The following TMEM38B variants were observed in gnomAD, a reference collection of about 807,000 sequenced individuals.
TMEM38B encodes the protein trimeric intracellular cation channel type B.
In TMEM38B, 24 loss-of-function variants were observed where a neutral mutation model predicts 28.7. That is an observed-to-expected ratio of 0.84 (90% CI 0.61 to 1.18). TMEM38B has a LOEUF of 1.18. Ranked by LOEUF, TMEM38B falls within the 50% of genes most tolerant of loss-of-function variation. The pLI, the probability that TMEM38B is intolerant of heterozygous loss-of-function variation, is 0.00. For missense variants in TMEM38B, 380 were observed against 350.9 expected, an observed-to-expected ratio of 1.08 and a Z score of -0.66; for synonymous variants, 131 against 127.7, an observed-to-expected ratio of 1.03 and a Z score of -0.17.
chr9:105,735,083 A>G lies in TMEM38B; in HGVS notation c.542+12462A>G, dbSNP rs756536733. Among the ~76,000 whole-genome samples, 102 of 152,004 alleles carry G rather than the reference A, an allele frequency of 6.7e-4. 3 individuals carry two copies. Among genetic ancestry groups the G allele is most frequent in the Non-Finnish European group, 1.8e-4 (12 of 67,992 alleles). On this transcript the variant is annotated intron_variant, in intron 4 of 5. Transcript: ENST00000374692. ...TATTTACTGTATTTTTTGTGTGGTT[A>G]CCATTGGGCTAACATTAAGAATCTT...
chr9:105,759,959 C>T (rs1254568124), intron 5 of TMEM38B: 1 of 1,569,182 alleles, frequency 6.4e-7, no homozygotes, highest in Admixed American at 1.7e-5. Flanking sequence ...GTGCAAACAG[C>T]TATGCAAAGT....
At chr9:105,741,117 A>C (rs1438082736) in intron 4 of TMEM38B, among the ~76,000 whole-genome samples, 2 of 152,228 alleles carry the variant, frequency 1.3e-5, no homozygotes, top group Non-Finnish European at 2.9e-5. Context: ...AGAGATTAGA[A>C]TGCTATAGCC....
At chr9:105,728,262 G>GC (rs1317039158) in intron 4 of TMEM38B, among the ~76,000 whole-genome samples, 6 of 134,840 alleles carry the variant, frequency 4.4e-5, no homozygotes, top group Non-Finnish European at 8.0e-5. Flanking sequence ...CCCCCAACAA[G>GC]CCCCCGTGTT....
At chr9:105,718,855 T>A (rs905320357) in intron 2 of TMEM38B, among the ~76,000 whole-genome samples, 2 of 152,100 alleles carry the variant, frequency 1.3e-5, no homozygotes, top group Non-Finnish European at 2.9e-5. Flanking sequence ...CGAGACTACA[T>A]TTAGATGAGG....
intron 2 of TMEM38B, among the ~76,000 whole-genome samples, chr9:105,706,608 G>A (rs536116994): frequency 6.6e-6 from 1 of 152,248 alleles, no homozygotes; most frequent in South Asian, 2.1e-4. Flanking sequence ...ACAAGAATTG[G>A]CTAAATACAG....
At chr9:105,747,943 T>C in intron 4 of TMEM38B, 130 bp from the exon 5 acceptor site, 1 of 624,480 alleles carries the variant, frequency 1.6e-6, no homozygotes, top group Admixed American at 2.9e-5. Context: ...TAAAGTGTTT[T>C]AACAAAACTC....
intron 4 of TMEM38B, among the ~76,000 whole-genome samples, chr9:105,725,850 G>C (rs7846993): frequency 0.23 from 35,503 of 151,988 alleles, 6,805 homozygotes; most frequent in African/African-American, 0.51. Flanking sequence ...TAGGACATTA[G>C]TGTGCACTAC....
intron 5 of TMEM38B, chr9:105,758,690 G>A: frequency 1.3e-6 from 1 of 751,630 alleles, no homozygotes; most frequent in Non-Finnish European, 2.4e-6. Context: ...ATCCAGAATT[G>A]AGAAAAAACA....
chr9:105,737,332 A>T (rs1184926290), intron 4 of TMEM38B, among the ~76,000 whole-genome samples: 1 of 139,324 alleles, frequency 7.2e-6, no homozygotes, highest in Non-Finnish European at 1.5e-5. Flanking sequence ...CAGAGGCCTG[A>T]GTCGCAGGGA....
intron 5 of TMEM38B, among the ~76,000 whole-genome samples, chr9:105,767,061 G>A (rs1402093699): frequency 6.6e-6 from 1 of 151,780 alleles, no homozygotes; most frequent in African/African-American, 2.4e-5. Flanking sequence ...CCCTACAAAG[G>A]ACATGAACTC....
intron 5 of TMEM38B, among the ~76,000 whole-genome samples, chr9:105,756,722 T>C (rs1466722324): frequency 6.6e-6 from 1 of 152,160 alleles, no homozygotes; most frequent in Non-Finnish European, 1.5e-5. Flanking sequence ...AATAAAGATA[T>C]TTAAAAATAG....
intron 2 of TMEM38B, among the ~76,000 whole-genome samples, chr9:105,713,666 G>A (rs1042989543): frequency 2.6e-5 from 4 of 152,204 alleles, no homozygotes; most frequent in Admixed American, 6.5e-5. Flanking sequence ...GTGGAAGGGG[G>A]CGGGTTCCCA....
chr9:105,765,075 A>G (rs1208344918), intron 5 of TMEM38B, among the ~76,000 whole-genome samples: 1 of 152,202 alleles, frequency 6.6e-6, no homozygotes, highest in Admixed American at 6.5e-5. Flanking sequence ...TTATACAAAA[A>G]TCAATTCAAG....
intron 1 of TMEM38B, among the ~76,000 whole-genome samples, chr9:105,705,005 A>T (rs1414698573): frequency 1.3e-5 from 2 of 152,040 alleles, no homozygotes; most frequent in Admixed American, 6.5e-5. Flanking sequence ...GATGTTATTT[A>T]CAGTGATGTC....
chr9:105,733,554 T>A (rs1836855562), intron 4 of TMEM38B, among the ~76,000 whole-genome samples: 1 of 151,954 alleles, frequency 6.6e-6, no homozygotes, highest in East Asian at 1.9e-4. Flanking sequence ...ATTAATTCTG[T>A]TTTGAAAGTT....
At chr9:105,754,576 C>T (rs1192360671) in intron 5 of TMEM38B, among the ~76,000 whole-genome samples, 3 of 152,152 alleles carry the variant, frequency 2.0e-5, no homozygotes, top group Non-Finnish European at 4.4e-5. Context: ...TTGTTTGAAA[C>T]TAATGAGAAC....
At chr9:105,733,301 C>G (rs371897864) in intron 4 of TMEM38B, among the ~76,000 whole-genome samples, 3 of 152,066 alleles carry the variant, frequency 2.0e-5, no homozygotes, top group African/African-American at 4.8e-5. Flanking sequence ...AAACAGCCAT[C>G]TCTTGATGGA....
chr9:105,712,011 A>G (rs140481265), intron 2 of TMEM38B, among the ~76,000 whole-genome samples: 1,912 of 152,052 alleles, frequency 0.013, 23 homozygotes, highest in South Asian at 0.025. Flanking sequence ...TCTGCCTCCC[A>G]GGTTCAAGCA....
chr9:105,753,446 C>T (rs1837728710), intron 5 of TMEM38B, among the ~76,000 whole-genome samples: 1 of 152,102 alleles, frequency 6.6e-6, no homozygotes, highest in Admixed American at 6.5e-5. Flanking sequence ...AAGGGAAACC[C>T]AGCAGACTAA....
Sources: allele counts gnomAD v4.1 joint callset (sites outside exome capture counted in the v4.1 genomes callset), GRCh38; gene constraint gnomAD v4.1.1; transcripts MANE v1.5; gene names NCBI Gene and HGNC (gene_info 2026-07-23, HGNC 2026-07-21).